Variants in MYO18B observed in about 807,000 individuals in gnomAD.
MYO18B encodes the protein unconventional myosin-XVIIIb.
In MYO18B, 204 loss-of-function variants were observed where a neutral mutation model predicts 273.0. That is an observed-to-expected ratio of 0.75 (90% CI 0.67 to 0.84). The LOEUF is 0.84. MYO18B is among the 40% of genes least tolerant of loss of function. The pLI, the probability that MYO18B is intolerant of heterozygous loss-of-function variation, is 0.00. For synonymous variants in MYO18B, 1,330 were observed against 1,305.7 expected (o/e 1.02, Z -0.40); for missense variants, 3,212 against 3,287.6 (o/e 0.98, Z 0.56).
chr22:26,060,319 G>C, the MYO18B span, among the ~76,000 whole-genome samples: 1 of 152,178 alleles, frequency 6.6e-6, no homozygotes, highest in African/African-American at 2.4e-5. Flanking sequence ...TGTACTACCT[G>C]GCTCTTTATA....
chr22:25,885,633 G>C (rs888732617), intron 25 of MYO18B, among the ~76,000 whole-genome samples: 1 of 152,290 alleles, frequency 6.6e-6, no homozygotes, highest in South Asian at 2.1e-4. Context: ...TGGATCGCAG[G>C]GGGTCAGGAG....
chr22:25,793,901 TCG>T, intron 11 of MYO18B, among the ~76,000 whole-genome samples: 1 of 151,808 alleles, frequency 6.6e-6, no homozygotes, highest in Middle Eastern at 3.4e-3. Flanking sequence ...AGTGTACAAC[TCG>T]ATGTTTATAT....
At chr22:25,779,333 A>C (rs2087043267) in intron 8 of MYO18B, among the ~76,000 whole-genome samples, 1 of 152,224 alleles carries the variant, frequency 6.6e-6, no homozygotes, top group South Asian at 2.1e-4. Context: ...GACTAGATTT[A>C]ATTAGTTAAT....
At chr22:26,035,571 G>T (rs1364628412), downstream of MYO18B, among the ~76,000 whole-genome samples, 3 of 152,180 alleles carry the variant, frequency 2.0e-5, no homozygotes, top group East Asian at 5.8e-4. Context: ...CGTAAGCAAT[G>T]AATTCCTGAT....
At chr22:25,921,476 G>A in intron 34 of MYO18B, 67 bp downstream of exon 34, 1 of 1,531,280 alleles carries the variant, frequency 6.5e-7, no homozygotes, top group Admixed American at 2.0e-5. Flanking sequence ...GAGAATTGCT[G>A]TCCCTCCCAG....
intron 12 of MYO18B, among the ~76,000 whole-genome samples, chr22:25,818,929 G>T (rs2145868287): frequency 6.6e-6 from 1 of 152,244 alleles, no homozygotes; most frequent in East Asian, 1.9e-4. Flanking sequence ...ACCTGGCTTT[G>T]TGCGACAAAC....
intron 7 of MYO18B, among the ~76,000 whole-genome samples, chr22:25,773,966 G>A (rs1011221962): frequency 5.3e-5 from 8 of 152,186 alleles, no homozygotes; most frequent in African/African-American, 1.9e-4. Context: ...TCTTACCTGT[G>A]TGCTCTTCTG....
intron 11 of MYO18B, among the ~76,000 whole-genome samples, chr22:25,794,625 C>T (rs1238965946): frequency 6.6e-6 from 1 of 151,996 alleles, no homozygotes; most frequent in Non-Finnish European, 1.5e-5. Context: ...CTGCCTCAGC[C>T]TCCCGAGTAG....
the MYO18B span, among the ~76,000 whole-genome samples, chr22:26,058,139 A>G: frequency 6.6e-6 from 1 of 152,224 alleles, no homozygotes; most frequent in South Asian, 2.1e-4. Flanking sequence ...AAATGCTATC[A>G]CTTTCAGAAA....
At chr22:26,010,515 C>T (rs930243099) in intron 42 of MYO18B, among the ~76,000 whole-genome samples, 9 of 152,102 alleles carry the variant, frequency 5.9e-5, no homozygotes, top group Admixed American at 2.6e-4. Context: ...TTACAGTCTC[C>T]GAGTCTCAGC....
the MYO18B span, among the ~76,000 whole-genome samples, chr22:26,038,108 C>T: frequency 6.6e-6 from 1 of 152,362 alleles, no homozygotes; most frequent in East Asian, 1.9e-4. Flanking sequence ...AAGCAGACTT[C>T]AACCTAGTGT....
intron 39 of MYO18B, among the ~76,000 whole-genome samples, chr22:25,990,578 T>C (rs1358688826): frequency 1.3e-5 from 2 of 149,856 alleles, no homozygotes; most frequent in African/African-American, 4.9e-5. Flanking sequence ...TCCCATCTAC[T>C]TGGGAGGCTG....
At chr22:26,060,942 CATGCACACACCACAT>C in the MYO18B span, among the ~76,000 whole-genome samples, 2 of 152,088 alleles carry the variant, frequency 1.3e-5, no homozygotes, top group Non-Finnish European at 2.9e-5. Flanking sequence ...CACACATACA[CATGCACACACCACAT>C]ATGCACACAT....
At chr22:25,892,670 TTC>T (rs1290675320) in intron 27 of MYO18B, 1 of 152,252 alleles carries the variant, frequency 6.6e-6, no homozygotes, top group Non-Finnish European at 1.5e-5. Flanking sequence ...AGTATTTATT[TTC>T]TGTTTCATTC....
In MYO18B at chr22:25,944,155, G is replaced by T. The variant is rs111641194; in HGVS notation, c.5518-1982G>T. Among the ~76,000 whole-genome samples, 931 of 152,292 alleles carry T rather than the reference G, an allele frequency of 6.1e-3. 13 individuals are homozygous for T. The highest frequency in any genetic ancestry group is 0.021 in the African/African-American group (878 of 41,566). On this transcript the variant is annotated intron_variant, in intron 34 of 43. Coordinates refer to ENST00000335473, the MANE Select transcript of MYO18B (RefSeq NM_032608.7). ...TCACCCACCTCCTAGCCATGGCAGA[G>T]GCACTTGAGTTACCTGCTGGAAAAT...
chr22:25,979,477 A>T (rs1030789555), intron 39 of MYO18B, among the ~76,000 whole-genome samples: 2 of 152,106 alleles, frequency 1.3e-5, no homozygotes, highest in Admixed American at 6.5e-5. Context: ...GGAAGTTGGG[A>T]TTGGGGCGTT....
chr22:26,063,017 A>G, the MYO18B span, among the ~76,000 whole-genome samples: 3 of 152,168 alleles, frequency 2.0e-5, no homozygotes, highest in African/African-American at 4.8e-5. Context: ...CAGGGAATGG[A>G]CACCCAGCAC....
At chr22:25,948,346 G>A (rs993539718) in intron 36 of MYO18B, among the ~76,000 whole-genome samples, 20 of 151,754 alleles carry the variant, frequency 1.3e-4, no homozygotes, top group Non-Finnish European at 2.4e-4. Context: ...TCCTACCACC[G>A]CTTACCCATT....
rs117822602 is a variant in MYO18B at position 25,862,013 on chromosome 22, T to A, written c.3886-6307T>A. 1.1e-4 allele frequency among the ~76,000 whole-genome samples: 16 copies of A among 152,340 alleles called. No homozygotes were observed. In the East Asian group the frequency reaches 3.1e-3, roughly 29 times the overall value. ...AAATATTTGGAAAAAAAAGGATGGT[T>A]GTGTCTGAACTGAACATATACAGAC... On this transcript the variant is annotated intron_variant, in intron 21 of 43. Coordinates refer to ENST00000335473, the MANE Select transcript of MYO18B (RefSeq NM_032608.7).
Sources: gnomAD v4.1 joint callset for allele counts (sites outside exome capture counted in the v4.1 genomes callset) on GRCh38, gnomAD v4.1.1 for gene constraint, MANE v1.5 for transcripts, NCBI Gene and HGNC (gene_info 2026-07-23, HGNC 2026-07-21) for gene names.